CDAN1: variants seen among roughly 807,000 people sequenced by gnomAD.
CDAN1 encodes codanin 1, also known as codanin-1.
Under a neutral mutation model 139.8 loss-of-function variants are expected in CDAN1, and 107 were observed. That is an observed-to-expected ratio of 0.77 (90% CI 0.65 to 0.90). CDAN1 has a LOEUF of 0.90. CDAN1 is among the 40% of genes least tolerant of loss of function. CDAN1 has a pLI of 0.00. For missense variants in CDAN1, 1,667 were observed against 1,575.7 expected, an observed-to-expected ratio of 1.06 and a Z score of -0.98; for synonymous variants, 776 against 660.6, an observed-to-expected ratio of 1.17 and a Z score of -2.68.
At chr15:42,728,354 C>T in intron 20 of CDAN1, 87 bp from the exon 21 acceptor site, 1 of 1,443,456 alleles carries the variant, frequency 6.9e-7, no homozygotes, top group East Asian at 2.3e-5. Flanking sequence ...AAGCCCCTGA[C>T]CTGGGAGGCT....
chr15:42,737,088 C>G lies in CDAN1; in HGVS notation c.15G>C (p.Leu5Phe). The stretch of plus-strand genomic sequence containing the variant: ...ACACCTCTTCTCGCAGCAGCGACTC[C>G]AAAACGGCCGCCATCCCGGTCGGGG... The part of the protein sequence containing the change: MAAV[L>F]ESLLREEVSV... The change falls in exon 1 of 28, where the codon TTG (leucine) becomes TTC (phenylalanine). Residue 5 changes from leucine (L) to phenylalanine (F), a missense_variant. Leu to Phe is a conservative substitution (Grantham distance 22, BLOSUM62 0). Coordinates refer to ENST00000356231, the MANE Select transcript of CDAN1 (RefSeq NM_138477.4). The G allele has an allele frequency of 1.3e-6, 2 of 1,519,864 alleles. No individual in the cohort carries two copies. Among genetic ancestry groups the G allele is most frequent in the Non-Finnish European group, 1.8e-6 (2 of 1,132,010 alleles). 94.1% of individuals were successfully genotyped at this position (1,519,864 alleles called of 1,614,324 possible). A position where few individuals can be genotyped will look rare whatever the true frequency, so the allele number is the denominator to read the frequency against.
At chr15:42,728,396 CG>C in intron 20 of CDAN1, 129 bp from the exon 21 acceptor site, 1 of 1,017,714 alleles carries the variant, frequency 9.8e-7, no homozygotes, top group Non-Finnish European at 1.5e-6. Flanking sequence ...TTTGCCCTCC[CG>C]CCCCACCCCA....
chr15:42,736,078 CCTG>C lies in CDAN1; in HGVS notation c.570-3_570-1del. 1 of 1,614,116 alleles carries C rather than the reference CCTG, an allele frequency of 6.2e-7. No individual in the cohort carries two copies. Among genetic ancestry groups the C allele is most frequent in the Non-Finnish European group, 8.5e-7 (1 of 1,179,988 alleles). ...GGTTGATCCTGCGAGAAGGCTTCGTCCTGCTGAGAGTAGCCACAGGTTTTTCTC... is the reference window on the plus strand; with the variant it reads ...GGTTGATCCTGCGAGAAGGCTTCGTCCTGAGAGTAGCCACAGGTTTTTCTC... On this transcript the variant is annotated splice_acceptor_variant and splice_polypyrimidine_tract_variant and intron_variant, in intron 2 of 27. Transcript: ENST00000356231. LOFTEE classifies it high-confidence loss of function.
chr15:42,728,105 C>G, intron 21 of CDAN1, 72 bp from the exon 22 acceptor site: 1 of 1,585,314 alleles, frequency 6.3e-7, no homozygotes, highest in Non-Finnish European at 8.7e-7. Context: ...GAGTCGAGCA[C>G]TGACCCCGCC....
rs2061489628 is a variant in CDAN1, at chr15:42,723,831, G to A, written c.*660C>T. 1 of 156,510 alleles carries A rather than the reference G, an allele frequency of 6.4e-6. No individual in the cohort carries two copies. The highest frequency in any genetic ancestry group is 6.2e-5 in the Admixed American group (1 of 16,152). 9.7% of individuals were successfully genotyped at this position (156,510 alleles called of 1,614,324 possible). On this transcript the variant is annotated 3_prime_UTR_variant, in exon 28 of 28. Coordinates refer to ENST00000356231, the MANE Select transcript of CDAN1 (RefSeq NM_138477.4). ...AGCAGGTCTCCTGCCTCATCCTCCT[G>A]AGTAGCTGGGATTACAGGCACACAC...
At chr15:42,732,197 CGAG>C (rs769204982) in intron 10 of CDAN1, 133 bp downstream of exon 10, 12 of 863,116 alleles carry the variant, frequency 1.4e-5, no homozygotes, top group Non-Finnish European at 2.3e-5. Context: ...AGCCACTCCG[CGAG>C]GAGTAGAACT....
chr15:42,733,897 G>T, intron 8 of CDAN1, 41 bp downstream of exon 8: 1 of 1,416,960 alleles, frequency 7.1e-7, no homozygotes, highest in Non-Finnish European at 1.0e-6. Flanking sequence ...CCAGAAAAAT[G>T]TCATCTCATT....
In CDAN1 at chr15:42,735,513, C is replaced by T; in HGVS notation, c.940G>A (p.Ala314Thr). ...CGCTCCCTCCGCTCTCACTCACCAG[C>T]AATGCACGAGGAGTAAACAAGGGCT... ...LVALVYSSCI[A>T]ENLVPNLFLE... The change falls in exon 4 of 28, where the codon GCT becomes ACT. Residue 314 changes from alanine to threonine, a missense_variant. Around this residue, in one of 3 missense-constraint regions of CDAN1, gnomAD observed 244 missense variants for 309.4 expected, o/e 0.79. Transcript: ENST00000356231. 4 of 1,614,228 alleles carry T rather than the reference C, an allele frequency of 2.5e-6. No individual in the cohort carries two copies. The highest frequency in any genetic ancestry group is 3.4e-6 in the Non-Finnish European group (4 of 1,180,040).
chr15:42,736,809 A>G lies in CDAN1; in HGVS notation c.91-29T>C, dbSNP rs774479486. On this transcript the variant is annotated intron_variant, in intron 1 of 27. Transcript: ENST00000356231. ...GGGCAGAAGCACAGGTGGAGGGGCG[A>G]GAGGGTCAGCCGCCGGCCCGCGGGC... The G allele has an allele frequency of 4.7e-6, 7 of 1,499,592 alleles. No individual in the cohort carries two copies. In the Admixed American group the frequency reaches 6.8e-5, roughly 15 times the overall value. The allele number at this position is 1,499,592 out of a possible 1,614,324, so 92.9% of individuals were successfully genotyped here. A position where few individuals can be genotyped will look rare whatever the true frequency, so the allele number is the denominator to read the frequency against.
intron 24 of CDAN1, 24 bp from the exon 25 acceptor site, chr15:42,726,184 G>GA (rs2140461417): frequency 6.2e-7 from 1 of 1,613,568 alleles, no homozygotes; most frequent in Admixed American, 1.7e-5. Flanking sequence ...GGGGGGGAAA[G>GA]AGAGACCATA....
In CDAN1 at chr15:42,729,030, G is replaced by A. The variant is rs1175944492; in HGVS notation, c.2638C>T (p.His880Tyr). 1 of 1,614,062 alleles carries A rather than the reference G, an allele frequency of 6.2e-7. No individual in the cohort carries two copies. Among genetic ancestry groups the A allele is most frequent in the East Asian group, 2.2e-5 (1 of 44,876 alleles). Residue 880 changes from histidine (H) to tyrosine (Y), a missense_variant, in exon 19 of 28, where the codon CAT becomes TAT. Around this residue, in one of 3 missense-constraint regions of CDAN1, gnomAD observed 936 missense variants for 844.1 expected, o/e 1.11. Transcript: ENST00000356231. ...TCCTTAACCCACTCTTACTTGATAT[G>A]TTTGACACAGTTTGATCCAATTCTT... ...AERIGSNCVK[H>Y]IKATLVADLV...
chr15:42,734,524 C>A (rs1338278480), intron 6 of CDAN1, among the ~76,000 whole-genome samples, 178 bp from the exon 7 acceptor site: 1 of 152,214 alleles, frequency 6.6e-6, no homozygotes, highest in African/African-American at 2.4e-5. Flanking sequence ...GGATATGAGA[C>A]TTTACAGAGC....
chr15:42,732,397 C>A lies in CDAN1; in HGVS notation c.1469G>T (p.Gly490Val). ...GLGSRIRAMMGQLSAACSHSH... is the reference protein window; with the variant it reads ...GLGSRIRAMMVQLSAACSHSH... ...GTGGCTGCAGGCTGCGGAGAGCTGA[C>A]CCATCATGGCCCTGAGGAATAGAAG... The change falls in exon 10 of 28, where the codon GGT (glycine) becomes GTT (valine). Residue 490 changes from glycine to valine, a missense_variant. By Grantham distance (109) the Gly-to-Val change is moderately radical. This residue lies in a region of CDAN1 where 244 missense variants were observed against 309.4 expected (regional missense o/e 0.79). Coordinates refer to ENST00000356231, the MANE Select transcript of CDAN1 (RefSeq NM_138477.4). 6.2e-7 allele frequency: 1 copy of A among 1,613,922 alleles called. No homozygotes were observed. Among genetic ancestry groups the A allele is most frequent in the Non-Finnish European group, 8.5e-7 (1 of 1,179,904 alleles).
chr15:42,723,894 A>C lies in CDAN1; in HGVS notation c.*597T>G, dbSNP rs1195995855. The stretch of plus-strand genomic sequence containing the variant: ...CTAATAATTTTTTTATTTTTAGTAG[A>C]GATGGGGTTTTGCCATGTTGGCCAG... On this transcript the variant is annotated 3_prime_UTR_variant, in exon 28 of 28. Transcript: ENST00000356231. 1 of 159,886 alleles carries C rather than the reference A, an allele frequency of 6.3e-6. No individual in the cohort carries two copies. Among genetic ancestry groups the C allele is most frequent in the African/African-American group, 2.4e-5 (1 of 41,484 alleles). The allele number at this position is 159,886 out of a possible 1,614,324, so 9.9% of individuals were successfully genotyped here. A position where few individuals can be genotyped will look rare whatever the true frequency, so the allele number is the denominator to read the frequency against.
Position 42,731,596 on chromosome 15 carries a change from C to T in CDAN1, c.1739+24G>A, listed in dbSNP as rs780147285. The T allele has an allele frequency of 4.3e-6, 7 of 1,612,036 alleles. No homozygotes were observed. The South Asian group carries it at 5.5e-5, about 13-fold the overall frequency. On this transcript the variant is annotated intron_variant, in intron 11 of 27. Transcript: ENST00000356231. Reference sequence around the variant, plus strand: ...ACCTTTCCTGGCCTCTGCCCCATTCCTTGCAAGACACAGGGGAGCCTACCT... The same window carrying T: ...ACCTTTCCTGGCCTCTGCCCCATTCTTTGCAAGACACAGGGGAGCCTACCT...
At chr15:42,733,055 A>G (rs768769046) in intron 9 of CDAN1, 42 bp downstream of exon 9, 6 of 1,526,726 alleles carry the variant, frequency 3.9e-6, no homozygotes, top group Non-Finnish European at 5.5e-6. Context: ...GCACTGAGCT[A>G]CTCATTGCCA....
intron 9 of CDAN1, 126 bp downstream of exon 9, chr15:42,732,971 G>C: frequency 5.1e-6 from 4 of 788,474 alleles, no homozygotes; most frequent in Non-Finnish European, 8.9e-6. Flanking sequence ...GATTTCGGAG[G>C]ATAGTAGAAA....
rs1380573359 is a variant in CDAN1, at chr15:42,726,336, G to A, written c.3178C>T (p.Leu1060=). ...PEHLEQLLGQ[L]GQTLRCRQFL... ...TGGCGGCACCGCAGCGTCTGGCCCA[G>A]CTGGCCTAGGAGCTGTTCCAGATGC... Residue 1060 remains leucine, a synonymous_variant, in exon 24 of 28, where the codon CTG becomes TTG. Coordinates refer to ENST00000356231, the MANE Select transcript of CDAN1 (RefSeq NM_138477.4). 2 of 1,592,126 alleles carry A rather than the reference G, an allele frequency of 1.3e-6. No individual in the cohort carries two copies. Among genetic ancestry groups the A allele is most frequent in the Non-Finnish European group, 1.7e-6 (2 of 1,169,528 alleles).
At chr15:42,728,957 A>G in intron 19 of CDAN1, 66 bp downstream of exon 19, 2 of 1,570,710 alleles carry the variant, frequency 1.3e-6, no homozygotes, top group Non-Finnish European at 1.8e-6. Flanking sequence ...TTCTCAGTTT[A>G]GCAACTGAGG....
Sources: gnomAD v4.1 joint callset for allele counts (sites outside exome capture counted in the v4.1 genomes callset) on GRCh38, gnomAD v4.1.1 for gene constraint, gnomAD v4.1.1 regional missense constraint, MANE v1.5 for transcripts, NCBI Gene and HGNC (gene_info 2026-07-23, HGNC 2026-07-21) for gene names.